The following P4HB variants were observed in gnomAD, a reference collection of about 807,000 sequenced individuals.
P4HB encodes the protein protein disulfide-isomerase.
Under a neutral mutation model 52.6 loss-of-function variants are expected in P4HB, and 20 were observed. The observed-to-expected ratio is 0.38, with a 90% CI of 0.27 to 0.55. P4HB has a LOEUF of 0.55. Ranked by LOEUF, P4HB falls within the 20% of genes least tolerant of loss-of-function variation. The pLI, the probability that P4HB is intolerant of heterozygous loss-of-function variation, is 0.74. For synonymous variants in P4HB, 296 were observed against 277.9 expected (o/e 1.07, Z -0.65); for missense variants, 601 against 669.2 (o/e 0.90, Z 1.12).
chr17:81,856,908 A>G (rs943555577), intron 2 of P4HB, among the ~76,000 whole-genome samples: 3 of 152,102 alleles, frequency 2.0e-5, no homozygotes, highest in Non-Finnish European at 1.5e-5. Flanking sequence ...TCGGCCTCCC[A>G]AAGTGCTGGG....
In P4HB at chr17:81,844,039, A is replaced by G; in HGVS notation, c.1500T>C (p.Asp500=). Residue 500 remains aspartate, a synonymous_variant, in exon 11 of 11, where the codon GAT becomes GAC. Coordinates refer to ENST00000331483, the MANE Select transcript of P4HB (RefSeq NM_000918.4). ...AEEPDMEEDD[D]QKAVKDEL ...ACAGTTCATCTTTCACAGCTTTCTG[A>G]TCATCGTCTTCCTCCATGTCTGGCT... The G allele has an allele frequency of 6.2e-7, 1 of 1,613,786 alleles. No homozygotes were observed. The highest frequency in any genetic ancestry group is 8.5e-7 in the Non-Finnish European group (1 of 1,179,774).
intron 2 of P4HB, chr17:81,858,704 C>G (rs952157248): frequency 5.4e-6 from 1 of 185,704 alleles, no homozygotes; most frequent in Non-Finnish European, 1.1e-5. Flanking sequence ...CTCAGCTGCT[C>G]TAAGCCTCAG....
chr17:81,847,189 AC>A, intron 5 of P4HB, 53 bp downstream of exon 5: 1 of 1,599,556 alleles, frequency 6.3e-7, no homozygotes, highest in Non-Finnish European at 8.6e-7. Context: ...GCCTCATGCC[AC>A]CCCCAACCCA....
rs201845296 is a variant in P4HB at position 81,855,415 on chromosome 17, G to A, written c.486+38C>T. 106 of 1,599,258 alleles carry A rather than the reference G, an allele frequency of 6.6e-5. 1 individual carries two copies. The East Asian group carries it at 1.9e-3, about 29-fold the overall frequency. On this transcript the variant is annotated intron_variant, in intron 3 of 10. Transcript: ENST00000331483. The surrounding 1 kb of genome is among the most constrained non-coding windows in gnomAD (Gnocchi z 4.3). ...GGCTGTGGACCCCTCCTCAATGGAT[G>A]ACGGAAGGAAGGAAGACTGGAATGC...
rs199734473 is a variant in P4HB, at chr17:81,843,794, C to G, written c.*218G>C. 22 of 600,922 alleles carry G rather than the reference C, an allele frequency of 3.7e-5. No homozygotes were observed. The highest frequency in any genetic ancestry group is 3.0e-6 in the Non-Finnish European group (1 of 338,138). The allele number at this position is 600,922 out of a possible 1,614,324, so 37.2% of individuals were successfully genotyped here. A position where few individuals can be genotyped will look rare whatever the true frequency, so the allele number is the denominator to read the frequency against. ...AGGAAACAAGCCCCACCAGGGTGGGCTGCCTGGAGATGGATCCCTTTCCAA... is the reference window on the plus strand; with the variant it reads ...AGGAAACAAGCCCCACCAGGGTGGGGTGCCTGGAGATGGATCCCTTTCCAA... On this transcript the variant is annotated 3_prime_UTR_variant, in exon 11 of 11. Transcript: ENST00000331483.
chr17:81,858,803 G>A (rs111368292), intron 2 of P4HB: 34,037 of 228,246 alleles, frequency 0.15, 3,138 homozygotes, highest in Admixed American at 0.19. Context: ...CGCTACACAC[G>A]ACAGCTAGCA....
Position 81,846,422 on chromosome 17 carries a change from C to T in P4HB, c.1056+7G>A. ...GAGGCAGCCCTGGCCCGGGGACGCG[C>T]CTGCACCTTGATTTTGCCCTCCAGG... is the stretch of plus-strand genomic sequence containing the variant. On this transcript the variant is annotated splice_region_variant and intron_variant, in intron 7 of 10. Transcript: ENST00000331483. The surrounding 1 kb of genome is among the most constrained non-coding windows in gnomAD (Gnocchi z 5.7). The T allele has an allele frequency of 6.2e-7, 1 of 1,613,072 alleles. No individual in the cohort carries two copies. Among genetic ancestry groups the T allele is most frequent in the South Asian group, 1.1e-5 (1 of 91,082 alleles).
chr17:81,860,208 C>T (rs1033410536), intron 1 of P4HB, 119 bp downstream of exon 1: 5 of 809,776 alleles, frequency 6.2e-6, no homozygotes, highest in African/African-American at 3.6e-5. Flanking sequence ...AGCAAGGGAG[C>T]CCTTCAGTTC....
intron 4 of P4HB, among the ~76,000 whole-genome samples, chr17:81,849,592 C>T (rs777697044): frequency 3.9e-4 from 60 of 152,212 alleles, no homozygotes; most frequent in Non-Finnish European, 6.9e-4. Context: ...GCGCAATCCA[C>T]GTGCCTGTAA....
Position 81,846,639 on chromosome 17 carries a change from A to G in P4HB, c.856-10T>C. The G allele has an allele frequency of 6.2e-7, 1 of 1,612,740 alleles. No homozygotes were observed. Among genetic ancestry groups the G allele is most frequent in the Non-Finnish European group, 8.5e-7 (1 of 1,179,626 alleles). ...TGAAGATGAACAGGATCTGGGGGAGAAAAGGAGGTTGCACAGGTGCGGGAG... is the reference window on the plus strand; with the variant it reads ...TGAAGATGAACAGGATCTGGGGGAGGAAAGGAGGTTGCACAGGTGCGGGAG... On this transcript the variant is annotated splice_polypyrimidine_tract_variant and intron_variant, in intron 6 of 10. Transcript: ENST00000331483. This position sits in a 1 kb window ranked among gnomAD's most constrained non-coding sequence, Gnocchi z 5.7.
At chr17:81,845,254 A>G (rs1192942021) in intron 9 of P4HB, 24 bp from the exon 10 acceptor site, 17 of 1,576,190 alleles carry the variant, frequency 1.1e-5, no homozygotes, top group Non-Finnish European at 1.5e-5. Context: ...GGATGAGTGC[A>G]GGGGCTGGTC....
intron 4 of P4HB, among the ~76,000 whole-genome samples, chr17:81,852,146 G>A (rs1004981906): frequency 3.9e-5 from 6 of 152,182 alleles, no homozygotes; most frequent in East Asian, 1.9e-4. Context: ...TTGTGCCACC[G>A]CACTCCAGCC....
intron 4 of P4HB, among the ~76,000 whole-genome samples, chr17:81,852,408 A>G (rs1057233314): frequency 1.3e-5 from 2 of 152,194 alleles, no homozygotes; most frequent in African/African-American, 4.8e-5. Context: ...GGAAGGCCTC[A>G]CTCACTTTGA....
Position 81,855,357 on chromosome 17 carries a change from C to A in P4HB, c.487-78G>T. ...TAGGGCAGACCCTGTAGAGCCCAGG[C>A]CAGGGGGGACACGTGCAGAACTGCC... On this transcript the variant is annotated intron_variant, in intron 3 of 10. Transcript: ENST00000331483. This position sits in a 1 kb window ranked among gnomAD's most constrained non-coding sequence, Gnocchi z 4.3. 6.2e-7 allele frequency: 1 copy of A among 1,601,182 alleles called. No individual in the cohort carries two copies. Among genetic ancestry groups the A allele is most frequent in the Non-Finnish European group, 8.5e-7 (1 of 1,170,850 alleles).
At chr17:81,854,050 C>T (rs530875860) in intron 4 of P4HB, among the ~76,000 whole-genome samples, 219 of 152,332 alleles carry the variant, frequency 1.4e-3, no homozygotes, top group Non-Finnish European at 2.6e-3. Context: ...AGAAGGACAG[C>T]GGGATCAGGA....
chr17:81,853,262 G>A (rs1405393051), intron 4 of P4HB, among the ~76,000 whole-genome samples: 1 of 152,170 alleles, frequency 6.6e-6, no homozygotes, highest in Non-Finnish European at 1.5e-5. Context: ...CCCGGGGAGT[G>A]CTGGATGCTC....
At chr17:81,859,038 C>T in intron 2 of P4HB, 143 bp downstream of exon 2, 1 of 689,278 alleles carries the variant, frequency 1.5e-6, no homozygotes, top group South Asian at 1.7e-5. Context: ...CACAAGTGGA[C>T]AGAGAACCCG....
Position 81,843,575 on chromosome 17 carries a change from C to T in P4HB, c.*437G>A, listed in dbSNP as rs200774373. ...CCAGTCCGGCTCCGTCCCTCCCACA[C>T]GGGGGACAAGCTTCTCCGAGGAGGC... is the stretch of plus-strand genomic sequence containing the variant. On this transcript the variant is annotated 3_prime_UTR_variant, in exon 11 of 11. Transcript: ENST00000331483. 4.6e-5 allele frequency: 20 copies of T among 438,654 alleles called. No homozygotes were observed. The highest frequency in any genetic ancestry group is 1.9e-4 in the Admixed American group (5 of 25,830). The allele number at this position is 438,654 out of a possible 1,614,324, so 27.2% of individuals were successfully genotyped here.
Position 81,859,211 on chromosome 17 carries a change from C to T in P4HB, c.322G>A (p.Gly108Arg), listed in dbSNP as rs371866106. 16 of 1,613,826 alleles carry T rather than the reference C, an allele frequency of 9.9e-6. No individual in the cohort carries two copies. The African/African-American group carries it at 1.9e-4, about 19-fold the overall frequency. ...GYPTIKFFRN[G>R]DTASPKEYTA... ...TATTCCTTGGGGGAAGCCGTGTCTC[C>T]ATTCCTGAAGAACTTGATGGTGGGA... Residue 108 changes from glycine (G) to arginine (R), a missense_variant, in exon 2 of 11, where the codon GGA (glycine) becomes AGA (arginine). Coordinates refer to ENST00000331483, the MANE Select transcript of P4HB (RefSeq NM_000918.4).
Sources: gnomAD v4.1 joint callset for allele counts (sites outside exome capture counted in the v4.1 genomes callset) on GRCh38, gnomAD v4.1.1 for gene constraint, Gnocchi (gnomAD v3.1) non-coding constraint, MANE v1.5 for transcripts, NCBI Gene and HGNC (gene_info 2026-07-23, HGNC 2026-07-21) for gene names.